The following PREP variants were observed in gnomAD, a reference collection of about 807,000 sequenced individuals.
The protein encoded by PREP is prolyl endopeptidase.
A neutral mutation model predicts 87.6 loss-of-function variants in PREP; 29 were observed. The observed-to-expected ratio is 0.33, with a 90% CI of 0.25 to 0.45. The LOEUF (loss-of-function observed/expected upper bound fraction) is 0.45, where lower values mean the gene tolerates loss of function less well. Ranked by LOEUF, PREP falls within the 20% of genes least tolerant of loss-of-function variation. The pLI, the probability that PREP is intolerant of heterozygous loss-of-function variation, is 1.00. For missense variants in PREP, 695 were observed against 886.5 expected (o/e 0.78, Z 2.74); for synonymous variants, 337 against 328.6 (o/e 1.03, Z -0.28).
At chr6:105,304,985 T>C (rs147793497) in intron 10 of PREP, among the ~76,000 whole-genome samples, 2 of 152,338 alleles carry the variant, frequency 1.3e-5, no homozygotes, top group South Asian at 2.1e-4. Flanking sequence ...AGGAGCTTTA[T>C]GGGTTCTTAA....
intron 2 of PREP, among the ~76,000 whole-genome samples, chr6:105,386,455 A>G (rs1454151236): frequency 6.6e-6 from 1 of 152,166 alleles, no homozygotes; most frequent in Non-Finnish European, 1.5e-5. Flanking sequence ...AGCTCCAGAG[A>G]GTCATGTATA....
intron 7 of PREP, among the ~76,000 whole-genome samples, chr6:105,339,456 C>T (rs1003932248): frequency 2.0e-5 from 3 of 152,192 alleles, no homozygotes; most frequent in African/African-American, 7.2e-5. Context: ...GCTGAAAATT[C>T]TAAAAATCAG....
intron 7 of PREP, among the ~76,000 whole-genome samples, chr6:105,335,765 C>T (rs377399907): frequency 1.6e-4 from 25 of 151,980 alleles, no homozygotes; most frequent in African/African-American, 5.1e-4. Flanking sequence ...TGGTGGTGGG[C>T]GCCTGTAATC....
chr6:105,371,962 T>C (rs768116146), intron 5 of PREP, among the ~76,000 whole-genome samples: 1 of 152,116 alleles, frequency 6.6e-6, no homozygotes, highest in East Asian at 1.9e-4. Flanking sequence ...TCCCAGAAGG[T>C]GGAAATAACT....
chr6:105,382,496 CTAAATGGAAGTGTAAAT>C (rs1481329313), intron 2 of PREP, among the ~76,000 whole-genome samples: 1 of 152,024 alleles, frequency 6.6e-6, no homozygotes, highest in African/African-American at 2.4e-5. Flanking sequence ...TTTTCCCTTT[CTAAATGGAAGTGTAAAT>C]TAAAAATACT....
chr6:105,317,241 A>C (rs1454420151), intron 10 of PREP, among the ~76,000 whole-genome samples: 1 of 152,070 alleles, frequency 6.6e-6, no homozygotes, highest in Non-Finnish European at 1.5e-5. Flanking sequence ...TCCAGCTATA[A>C]GGCACTGTGC....
chr6:105,347,102 C>A lies in PREP; in HGVS notation c.823+5870G>T, dbSNP rs532392407. Among the ~76,000 whole-genome samples, 3 of 152,046 alleles carry A rather than the reference C, an allele frequency of 2.0e-5. No homozygotes were observed. The South Asian group carries it at 6.2e-4, about 32-fold the overall frequency. On this transcript the variant is annotated intron_variant, in intron 7 of 14. Coordinates refer to ENST00000652536, the MANE Select transcript of PREP (RefSeq NM_002726.5). The stretch of plus-strand genomic sequence containing the variant: ...TCAGCTCCTTTTTTGCTGCTATTAT[C>A]CTATAAAGCAGGGAATAAAGTACCT...
chr6:105,307,801 C>T (rs1234144331), intron 10 of PREP, among the ~76,000 whole-genome samples: 3 of 152,028 alleles, frequency 2.0e-5, no homozygotes, highest in African/African-American at 4.8e-5. Flanking sequence ...TTAGTAGAGA[C>T]AGAGTTTTTC....
chr6:105,391,176 T>C (rs980108015), intron 2 of PREP, among the ~76,000 whole-genome samples: 1 of 147,456 alleles, frequency 6.8e-6, no homozygotes, highest in Admixed American at 6.8e-5. Flanking sequence ...AGGTCAGGAG[T>C]TCAAGACCAG....
At chr6:105,351,994 G>A (rs986594084) in intron 7 of PREP, among the ~76,000 whole-genome samples, 1 of 152,158 alleles carries the variant, frequency 6.6e-6, no homozygotes, top group African/African-American at 2.4e-5. Flanking sequence ...TGCAGATCTT[G>A]CTCAGAGAAG....
At chr6:105,308,866 G>A (rs1405102197) in intron 10 of PREP, among the ~76,000 whole-genome samples, 1 of 152,142 alleles carries the variant, frequency 6.6e-6, no homozygotes, top group Non-Finnish European at 1.5e-5. Flanking sequence ...AGCTGGTGAT[G>A]AGTGCAATGG....
intron 10 of PREP, among the ~76,000 whole-genome samples, chr6:105,314,244 C>G (rs1460915597): frequency 6.6e-6 from 1 of 152,194 alleles, no homozygotes; most frequent in Non-Finnish European, 1.5e-5. Flanking sequence ...ATGTTGATGA[C>G]TGCTGATGAT....
At chr6:105,343,711 G>A (rs1771721783) in intron 7 of PREP, among the ~76,000 whole-genome samples, 1 of 152,136 alleles carries the variant, frequency 6.6e-6, no homozygotes, top group African/African-American at 2.4e-5. Context: ...GTGGGTGAAG[G>A]ATATGAACAG....
rs1772615662 is a variant in PREP at position 105,373,645 on chromosome 6, T to A, written c.386-67A>T. On this transcript the variant is annotated intron_variant, in intron 4 of 14. Transcript: ENST00000652536. Reference sequence around the variant, plus strand: ...CACAACTCCACGGTCCTTTATGCCATCTAACAAAGCTCTCTTTCATAACAC... The same window carrying A: ...CACAACTCCACGGTCCTTTATGCCAACTAACAAAGCTCTCTTTCATAACAC... 42 of 1,409,962 alleles carry A rather than the reference T, an allele frequency of 3.0e-5. 1 individual carries two copies. In the South Asian group the frequency reaches 4.9e-4, roughly 16 times the overall value. 87.3% of individuals were successfully genotyped at this position (1,409,962 alleles called of 1,614,324 possible).
Position 105,333,523 on chromosome 6 carries a change from A to C in PREP, c.824-18T>G. The C allele has an allele frequency of 6.2e-7, 1 of 1,612,050 alleles. No individual in the cohort carries two copies. The highest frequency in any genetic ancestry group is 8.5e-7 in the Non-Finnish European group (1 of 1,178,100). On this transcript the variant is annotated intron_variant, in intron 7 of 14. Coordinates refer to ENST00000652536, the MANE Select transcript of PREP (RefSeq NM_002726.5). ...CAGGATTCCTGGCAAGAGACCAAGCATTCTCATCATCTCTCTAATGTTTAA... is the reference window on the plus strand; with the variant it reads ...CAGGATTCCTGGCAAGAGACCAAGCCTTCTCATCATCTCTCTAATGTTTAA...
At chr6:105,395,603 T>G (rs1773269287) in intron 2 of PREP, among the ~76,000 whole-genome samples, 1 of 152,202 alleles carries the variant, frequency 6.6e-6, no homozygotes, top group Non-Finnish European at 1.5e-5. Context: ...TTCTATCAAG[T>G]GCTGACTATA....
intron 3 of PREP, among the ~76,000 whole-genome samples, chr6:105,376,657 T>G (rs564417296): frequency 1.3e-5 from 2 of 152,230 alleles, no homozygotes; most frequent in Non-Finnish European, 2.9e-5. Flanking sequence ...CAGTACACTT[T>G]CTCTGTAAAG....
chr6:105,310,666 C>A (rs1249001557), intron 10 of PREP, among the ~76,000 whole-genome samples: 1 of 152,192 alleles, frequency 6.6e-6, no homozygotes, highest in Non-Finnish European at 1.5e-5. Context: ...TTCAACTGAC[C>A]CCCCTAGATG....
chr6:105,327,378 A>C (rs941018110), intron 9 of PREP, among the ~76,000 whole-genome samples: 1 of 152,124 alleles, frequency 6.6e-6, no homozygotes, highest in Non-Finnish European at 1.5e-5. Flanking sequence ...TGGCCCTTGC[A>C]TGGTTTCCAC....
Sources: allele counts gnomAD v4.1 joint callset (sites outside exome capture counted in the v4.1 genomes callset), GRCh38; gene constraint gnomAD v4.1.1; transcripts MANE v1.5; gene names NCBI Gene and HGNC (gene_info 2026-07-23, HGNC 2026-07-21).